The following FIZ1 variants were observed in gnomAD, a reference collection of about 807,000 sequenced individuals.
The protein encoded by FIZ1 is FLT3 interacting zinc finger 1, also known as flt3-interacting zinc finger protein 1.
A neutral mutation model predicts 5.3 loss-of-function variants in FIZ1; 2 were observed. That is an observed-to-expected ratio of 0.37 (90% CI 0.15 to 1.18). FIZ1 has a LOEUF of 1.18. Among genes scored for constraint, FIZ1 ranks in the 50% most tolerant of loss-of-function variants. FIZ1 has a pLI of 0.37. For missense variants in FIZ1, 631 were observed against 749.7 expected, an observed-to-expected ratio of 0.84 and a Z score of 1.85; for synonymous variants, 407 against 364.2, an observed-to-expected ratio of 1.12 and a Z score of -1.34.
Position 55,593,432 on chromosome 19 carries a change from C to T in FIZ1, c.509G>A (p.Gly170Asp). 2 of 1,527,480 alleles carry T rather than the reference C, an allele frequency of 1.3e-6. No homozygotes were observed. Among genetic ancestry groups the T allele is most frequent in the Non-Finnish European group, 1.8e-6 (2 of 1,139,436 alleles). 94.6% of individuals were successfully genotyped at this position (1,527,480 alleles called of 1,614,324 possible). The change falls in exon 3 of 3, where the codon GGC becomes GAC. Residue 170 changes from glycine (G) to aspartate (D), a missense_variant. By Grantham distance (94) the Gly-to-Asp change is moderately conservative (BLOSUM62 -1). Transcript: ENST00000221665. This position sits in a 1 kb window ranked among gnomAD's most constrained non-coding sequence, Gnocchi z 6.3. ...GCCTGCCCCCTCGGGGCCCTCTCCG[C>T]CGCCGGCCCCTGAGCCCCCGCACAC... is the stretch of plus-strand genomic sequence containing the variant. ...CSVCGGSGAG[G>D]GEGPEGAGAG...
Position 55,597,851 on chromosome 19 carries a change from G to T in FIZ1, c.15C>A (p.Pro5=). 6.3e-7 allele frequency: 1 copy of T among 1,595,116 alleles called. No individual in the cohort carries two copies. The highest frequency in any genetic ancestry group is 8.5e-7 in the Non-Finnish European group (1 of 1,170,982). ...GCGGTGCTGGTGCAGGGGTTGGGGC[G>T]GGGACGTCATCCATGGTGGCGGGGA... The part of the protein sequence containing the change: MDDV[P]APTPAPAPPA... The change falls in exon 2 of 3, where the codon CCC becomes CCA. Residue 5 remains proline (P), a synonymous_variant. Transcript: ENST00000221665.
At chr19:55,597,956 C>T in intron 1 of FIZ1, 55 bp from the exon 2 acceptor site, 1 of 1,471,232 alleles carries the variant, frequency 6.8e-7, no homozygotes, top group Non-Finnish European at 9.0e-7. Flanking sequence ...CCCATCAGCT[C>T]TCTCCTCCCA....
Position 55,592,748 on chromosome 19 carries a change from G to C in FIZ1, c.1193C>G (p.Pro398Arg). ...GCCAGACGGGGGTTCCCCGGACGCC[G>C]GTTCCCTTTCCCGGGCGGCGGTCGC... ...EAATAARERE[P>R]ASGEPPSGSG... The change falls in exon 3 of 3, where the codon CCG becomes CGG. Residue 398 changes from proline (P) to arginine (R), a missense_variant. By Grantham distance (103) the Pro-to-Arg change is moderately radical (BLOSUM62 -2). Around this residue, in one of 4 missense-constraint regions of FIZ1, gnomAD observed 463 missense variants for 455.1 expected, o/e 1.02. Transcript: ENST00000221665. This position sits in a 1 kb window ranked among gnomAD's most constrained non-coding sequence, Gnocchi z 6.9. 6.2e-7 allele frequency: 1 copy of C among 1,609,696 alleles called. No homozygotes were observed. The highest frequency in any genetic ancestry group is 8.5e-7 in the Non-Finnish European group (1 of 1,178,862).
rs1314235795 is a variant in FIZ1, at chr19:55,592,982, G to A, written c.959C>T (p.Ala320Val). ...GTCTTCCGAGGGCTCGGCGGCCGCC[G>A]CAGGTGCAGGCGCCTCCCCACCGCC... ...PEGGGEAPAP[A>V]AAAEPSEDTL... The change falls in exon 3 of 3, where the codon GCG (alanine) becomes GTG (valine). Residue 320 changes from alanine to valine, a missense_variant. This residue lies in a region of FIZ1 where 463 missense variants were observed against 455.1 expected (regional missense o/e 1.02). Transcript: ENST00000221665. This position sits in a 1 kb window ranked among gnomAD's most constrained non-coding sequence, Gnocchi z 6.9. 1 of 1,533,436 alleles carries A rather than the reference G, an allele frequency of 6.5e-7. No homozygotes were observed. The highest frequency in any genetic ancestry group is 2.6e-5 in the East Asian group (1 of 38,034). The allele number at this position is 1,533,436 out of a possible 1,614,324, so 95.0% of individuals were successfully genotyped here.
intron 1 of FIZ1, chr19:55,598,718 A>T (rs1333909676): frequency 6.6e-6 from 1 of 151,588 alleles, no homozygotes; most frequent in African/African-American, 2.4e-5. Flanking sequence ...ACTCCACCCA[A>T]TTTTTCCTTT....
chr19:55,593,186 A>C lies in FIZ1; in HGVS notation c.755T>G (p.Leu252Arg). 1 of 1,184,326 alleles carries C rather than the reference A, an allele frequency of 8.4e-7. No homozygotes were observed. The highest frequency in any genetic ancestry group is 1.6e-5 in the African/African-American group (1 of 60,682). 73.4% of individuals were successfully genotyped at this position (1,184,326 alleles called of 1,614,324 possible). ...CGCTGGGGGCGCGCCCGGGCCCTGC[A>C]GGTCGTGCGTCAGCTTGTGCCGCTC... ...LLERHKLTHD[L>R]QGPGAPPAQA... The change falls in exon 3 of 3, where the codon CTG becomes CGG. Residue 252 changes from leucine (L) to arginine (R), a missense_variant. Coordinates refer to ENST00000221665, the MANE Select transcript of FIZ1 (RefSeq NM_032836.3). This position sits in a 1 kb window ranked among gnomAD's most constrained non-coding sequence, Gnocchi z 6.3.
At chr19:55,597,994 G>A (rs1980413905) in intron 1 of FIZ1, 93 bp from the exon 2 acceptor site, 2 of 1,357,254 alleles carry the variant, frequency 1.5e-6, no homozygotes, top group South Asian at 1.5e-5. Flanking sequence ...CCTGTCCCCT[G>A]GGAGACCCTC....
chr19:55,593,497 A>G lies in FIZ1; in HGVS notation c.444T>C (p.Ser148=). The change falls in exon 3 of 3, where the codon AGT becomes AGC. Residue 148 remains serine (S), a synonymous_variant. Transcript: ENST00000221665. The surrounding 1 kb of genome is among the most constrained non-coding windows in gnomAD (Gnocchi z 6.3). ...CATTGCAGCAGACGGAGCAGGGCGC[A>G]CTCAAGGCGGGCAGGCCAGGGCCGG... ...LQPGPGLPAL[S]APCSVCCNVG... is the part of the protein sequence containing the mutation. 2.6e-6 allele frequency: 4 copies of G among 1,549,386 alleles called. No homozygotes were observed. The highest frequency in any genetic ancestry group is 3.5e-6 in the Non-Finnish European group (4 of 1,146,560).
Position 55,597,596 on chromosome 19 carries a change from G to A in FIZ1, c.270C>T (p.Asp90=), listed in dbSNP as rs1033177206. The A allele has an allele frequency of 9.3e-6, 15 of 1,612,244 alleles. No homozygotes were observed. Among genetic ancestry groups the A allele is most frequent in the Non-Finnish European group, 1.1e-5 (13 of 1,179,572 alleles). The change falls in exon 2 of 3, where the codon GAC becomes GAT. Residue 90 remains aspartate, a synonymous_variant. Coordinates refer to ENST00000221665, the MANE Select transcript of FIZ1 (RefSeq NM_032836.3). ...CCTGGTGGTGCAGCAGGCCGGTGGA[G>A]TCGCGGAACCCCTTGGGGCAGGCAG... The part of the protein sequence containing the change: ...RCSACPKGFR[D]STGLLHHQVV...
In FIZ1 at chr19:55,593,246, C is replaced by T; in HGVS notation, c.695G>A (p.Arg232His). The T allele has an allele frequency of 7.9e-7, 1 of 1,264,598 alleles. No homozygotes were observed. The allele number at this position is 1,264,598 out of a possible 1,614,324, so 78.3% of individuals were successfully genotyped here. A position where few individuals can be genotyped will look rare whatever the true frequency, so the allele number is the denominator to read the frequency against. ...GGGCGCGTTGAAGTCGCGCTCGCAG[C>T]GCGGGCACTTGAAGGGCTTCACGTC... Reference protein sequence around the residue: ...HTDVKPFKCPRCERDFNAPAL... With the variant: ...HTDVKPFKCPHCERDFNAPAL... Residue 232 changes from arginine to histidine, a missense_variant, in exon 3 of 3, where the codon CGC becomes CAC. Physicochemically the swap from Arg to His is conservative, Grantham distance 29. Transcript: ENST00000221665. The surrounding 1 kb of genome is among the most constrained non-coding windows in gnomAD (Gnocchi z 6.3).
At position 55,593,220 on chromosome 19, in the gene FIZ1, C is replaced by A. The variant is rs767369020; in HGVS notation, c.721G>T (p.Ala241Ser). ...PRCERDFNAP[A>S]LLERHKLTHD... Reference sequence around the variant, plus strand: ...GTCAGCTTGTGCCGCTCCAGCAGCGCGGGCGCGTTGAAGTCGCGCTCGCAG... The same window carrying A: ...GTCAGCTTGTGCCGCTCCAGCAGCGAGGGCGCGTTGAAGTCGCGCTCGCAG... Residue 241 changes from alanine (A) to serine (S), a missense_variant, in exon 3 of 3, where the codon GCG becomes TCG. By Grantham distance (99) the Ala-to-Ser change is moderately conservative. Around this residue, in one of 4 missense-constraint regions of FIZ1, gnomAD observed 463 missense variants for 455.1 expected, o/e 1.02. Coordinates refer to ENST00000221665, the MANE Select transcript of FIZ1 (RefSeq NM_032836.3). This position sits in a 1 kb window ranked among gnomAD's most constrained non-coding sequence, Gnocchi z 6.3. The A allele has an allele frequency of 8.1e-7, 1 of 1,232,168 alleles. No homozygotes were observed. Among genetic ancestry groups the A allele is most frequent in the Non-Finnish European group, 1.0e-6 (1 of 977,096 alleles). The allele number at this position is 1,232,168 out of a possible 1,614,324, so 76.3% of individuals were successfully genotyped here.
chr19:55,598,224 T>G, intron 1 of FIZ1: 1 of 297,420 alleles, frequency 3.4e-6, no homozygotes, highest in East Asian at 6.3e-5. Flanking sequence ...TCTCCCACTC[T>G]TCCTTAAGTC....
In FIZ1 at chr19:55,592,232, G is replaced by A; in HGVS notation, c.*218C>T. The stretch of plus-strand genomic sequence containing the variant: ...TCTCTCCCTAGATTTGGGCTCCCCT[G>A]CCCCAGCTAAGGACCCTGTTTGTTT... On this transcript the variant is annotated 3_prime_UTR_variant, in exon 3 of 3. Coordinates refer to ENST00000221665, the MANE Select transcript of FIZ1 (RefSeq NM_032836.3). This position sits in a 1 kb window ranked among gnomAD's most constrained non-coding sequence, Gnocchi z 6.9. 1 of 571,710 alleles carries A rather than the reference G, an allele frequency of 1.7e-6. No homozygotes were observed. Among genetic ancestry groups the A allele is most frequent in the Non-Finnish European group, 3.0e-6 (1 of 330,356 alleles). The allele number at this position is 571,710 out of a possible 1,614,324, so 35.4% of individuals were successfully genotyped here. A position where few individuals can be genotyped will look rare whatever the true frequency, so the allele number is the denominator to read the frequency against.
Position 55,592,902 on chromosome 19 carries a change from T to C in FIZ1, c.1039A>G (p.Ser347Gly). 6.5e-7 allele frequency: 1 copy of C among 1,541,414 alleles called. No individual in the cohort carries two copies. The change falls in exon 3 of 3, where the codon AGT becomes GGT. Residue 347 changes from serine (S) to glycine (G), a missense_variant. Around this residue, in one of 4 missense-constraint regions of FIZ1, gnomAD observed 463 missense variants for 455.1 expected, o/e 1.02. Transcript: ENST00000221665. The surrounding 1 kb of genome is among the most constrained non-coding windows in gnomAD (Gnocchi z 6.9). Reference sequence around the variant, plus strand: ...GGGCCCGAGTGGGCCTCCAGGTGACTGGCCAGGGCCGCGGCCGACGCAAAG... The same window carrying C: ...GGGCCCGAGTGGGCCTCCAGGTGACCGGCCAGGGCCGCGGCCGACGCAAAG... ...TFFASAAALA[S>G]HLEAHSGPAT... is the part of the protein sequence containing the mutation.
rs756620940 is a variant in FIZ1, at chr19:55,597,684, T to C, written c.182A>G (p.Lys61Arg). 6.2e-7 allele frequency: 1 copy of C among 1,614,002 alleles called. No homozygotes were observed. Among genetic ancestry groups the C allele is most frequent in the South Asian group, 1.1e-5 (1 of 91,088 alleles). Residue 61 changes from lysine to arginine, a missense_variant, in exon 2 of 3, where the codon AAG (lysine) becomes AGG (arginine). Coordinates refer to ENST00000221665, the MANE Select transcript of FIZ1 (RefSeq NM_032836.3). Reference protein sequence around the residue: ...HACPRCGKGFKHSFNLANHLR... With the variant: ...HACPRCGKGFRHSFNLANHLR... Reference sequence around the variant, plus strand: ...GTGGTTGGCTAGGTTGAAGCTGTGCTTGAAACCCTTGCCGCAGCGCGGACA... The same window carrying C: ...GTGGTTGGCTAGGTTGAAGCTGTGCCTGAAACCCTTGCCGCAGCGCGGACA...
rs1568515396 is a variant in FIZ1, at chr19:55,592,955, G to C, written c.986C>G (p.Thr329Ser). The C allele has an allele frequency of 6.4e-7, 1 of 1,551,874 alleles. No homozygotes were observed. The highest frequency in any genetic ancestry group is 1.8e-5 in the Admixed American group (1 of 56,430). The change falls in exon 3 of 3, where the codon ACC becomes AGC. Residue 329 changes from threonine to serine, a missense_variant. Transcript: ENST00000221665. This position sits in a 1 kb window ranked among gnomAD's most constrained non-coding sequence, Gnocchi z 6.9. ...PAAAAEPSED[T>S]LYQCDCGTFF... The stretch of plus-strand genomic sequence containing the variant: ...GGTCCCGCAGTCGCACTGGTACAGG[G>C]TGTCTTCCGAGGGCTCGGCGGCCGC...
chr19:55,595,422 G>A (rs896583754), intron 2 of FIZ1, among the ~76,000 whole-genome samples: 16 of 152,136 alleles, frequency 1.1e-4, no homozygotes, highest in Admixed American at 6.5e-4. Context: ...TGGAATGCCC[G>A]TAGGTCTATT....
rs1340653646 is a variant in FIZ1, at chr19:55,592,765, G to C, written c.1176C>G (p.Ala392=). 3.1e-6 allele frequency: 5 copies of C among 1,602,938 alleles called. No individual in the cohort carries two copies. Among genetic ancestry groups the C allele is most frequent in the Non-Finnish European group, 4.2e-6 (5 of 1,177,034 alleles). ...GEGGGEEAAT[A]AREREPASGE... ...CGGACGCCGGTTCCCTTTCCCGGGC[G>C]GCGGTCGCCGCCTCCTCCCCGCCGC... The change falls in exon 3 of 3, where the codon GCC becomes GCG. Residue 392 remains alanine, a synonymous_variant. Coordinates refer to ENST00000221665, the MANE Select transcript of FIZ1 (RefSeq NM_032836.3). This position sits in a 1 kb window ranked among gnomAD's most constrained non-coding sequence, Gnocchi z 6.9.
At chr19:55,597,510 C>T (rs1353843282) in intron 2 of FIZ1, 62 bp downstream of exon 2, 3 of 1,542,272 alleles carry the variant, frequency 1.9e-6, no homozygotes, top group East Asian at 2.3e-5. Flanking sequence ...TACAGTGGGG[C>T]GCGGGATCCC....
Sources: gnomAD v4.1 joint callset for allele counts (sites outside exome capture counted in the v4.1 genomes callset) on GRCh38, gnomAD v4.1.1 for gene constraint, gnomAD v4.1.1 regional missense constraint, Gnocchi (gnomAD v3.1) non-coding constraint, MANE v1.5 for transcripts, NCBI Gene and HGNC (gene_info 2026-07-23, HGNC 2026-07-21) for gene names.